Variants in EVI5 observed in about 807,000 individuals in gnomAD.
The protein encoded by EVI5 is ecotropic viral integration site 5 protein homolog.
Under a neutral mutation model 112.0 loss-of-function variants are expected in EVI5, and 73 were observed. The ratio of observed to expected loss-of-function variants is 0.65; its 90% CI spans 0.54 to 0.79. EVI5 has a LOEUF of 0.79. EVI5 is among the 30% of genes least tolerant of loss of function. The pLI is 0.00. For missense variants in EVI5, 900 were observed against 968.8 expected, an observed-to-expected ratio of 0.93 and a Z score of 0.94; for synonymous variants, 305 against 319.9, an observed-to-expected ratio of 0.95 and a Z score of 0.50.
intron 11 of EVI5, 23 bp downstream of exon 11, chr1:92,665,916 T>A (rs1371508970): frequency 1.3e-6 from 2 of 1,536,878 alleles, no homozygotes; most frequent in African/African-American, 2.8e-5. Context: ...AACAGAAGCT[T>A]GCATAAGTAG....
At chr1:92,629,148 T>C (rs1656330761) in intron 14 of EVI5, among the ~76,000 whole-genome samples, 1 of 152,250 alleles carries the variant, frequency 6.6e-6, no homozygotes, top group African/African-American at 2.4e-5. Flanking sequence ...AAATATTCTG[T>C]TAGCCATTTC....
At chr1:92,674,016 A>G (rs1230177805) in intron 10 of EVI5, among the ~76,000 whole-genome samples, 1 of 152,212 alleles carries the variant, frequency 6.6e-6, no homozygotes, top group Non-Finnish European at 1.5e-5. Context: ...ATGGGCTGTA[A>G]AAATAATGGC....
At chr1:92,669,143 C>T (rs1295368769) in intron 10 of EVI5, among the ~76,000 whole-genome samples, 1 of 152,128 alleles carries the variant, frequency 6.6e-6, no homozygotes, top group African/African-American at 2.4e-5. Context: ...AAGCACTGCC[C>T]ACAATAGTTT....
At chr1:92,701,298 G>T (rs1241907241) in intron 5 of EVI5, among the ~76,000 whole-genome samples, 1 of 152,130 alleles carries the variant, frequency 6.6e-6, no homozygotes, top group Non-Finnish European at 1.5e-5. Flanking sequence ...TATCTCCTAT[G>T]AGCCAAACAC....
chr1:92,704,664 G>C lies in EVI5; in HGVS notation c.230C>G (p.Ser77Ter). 6.2e-7 allele frequency: 1 copy of C among 1,604,212 alleles called. No homozygotes were observed. The highest frequency in any genetic ancestry group is 1.1e-5 in the South Asian group (1 of 89,930). Reference sequence around the variant, plus strand: ...GTGACTGAGGTTGCTAGAGGCTGATGAACTCGACACAAGAGAAGAGCCACT... The same window carrying C: ...GTGACTGAGGTTGCTAGAGGCTGATCAACTCGACACAAGAGAAGAGCCACT... The part of the protein sequence containing the change: ...RNSGSSLVSS[S>*]SASSNLSHLE... Residue 77 changes from serine to a stop codon, truncating the protein, a stop_gained, in exon 3 of 20, where the codon TCA becomes TGA. Transcript: ENST00000684568. LOFTEE classifies it high-confidence loss of function.
intron 18 of EVI5, among the ~76,000 whole-genome samples, chr1:92,596,287 G>A (rs1571794585): frequency 6.6e-6 from 1 of 152,158 alleles, no homozygotes; most frequent in East Asian, 1.9e-4. Flanking sequence ...TTGAGCCTGG[G>A]AGGTCGAGGT....
intron 6 of EVI5, 26 bp downstream of exon 6, chr1:92,697,834 C>T (rs528643274): frequency 3.1e-6 from 5 of 1,589,038 alleles, no homozygotes; most frequent in African/African-American, 1.4e-5. Flanking sequence ...AGGCAATATG[C>T]CTTTTTATCA....
chr1:92,641,211 T>C (rs1184038900), intron 13 of EVI5, among the ~76,000 whole-genome samples: 1 of 129,136 alleles, frequency 7.7e-6, no homozygotes, highest in African/African-American at 4.5e-5. Context: ...AAAAAAATTG[T>C]GTGATTAATT....
intron 1 of EVI5, among the ~76,000 whole-genome samples, chr1:92,743,187 T>G (rs1483005902): frequency 6.6e-6 from 1 of 152,120 alleles, no homozygotes; most frequent in East Asian, 1.9e-4. Context: ...ACCCCGTGTC[T>G]ACTAAAAATA....
upstream of EVI5, among the ~76,000 whole-genome samples, chr1:92,785,336 C>A (rs1210083883): frequency 6.6e-6 from 1 of 152,224 alleles, no homozygotes; most frequent in Non-Finnish European, 1.5e-5. Context: ...ACCGCCCCTT[C>A]CATGTTAAAA....
chr1:92,527,900 A>C (rs1244555929), intron 19 of EVI5, among the ~76,000 whole-genome samples: 2 of 152,156 alleles, frequency 1.3e-5, no homozygotes, highest in African/African-American at 4.8e-5. Context: ...GTTGTCTCCA[A>C]TCTATTATAT....
At chr1:92,754,350 C>T (rs6604015) in intron 1 of EVI5, among the ~76,000 whole-genome samples, 139,963 of 152,272 alleles carry the variant, frequency 0.92, 64,406 homozygotes, top group East Asian at 0.97. Flanking sequence ...AATTGCTCAC[C>T]AGTAATGAAG....
At chr1:92,691,691 G>C (rs1430306873) in intron 9 of EVI5, among the ~76,000 whole-genome samples, 2 of 152,092 alleles carry the variant, frequency 1.3e-5, no homozygotes, top group African/African-American at 4.8e-5. Context: ...ATAATTAATG[G>C]AGCAAAGACC....
chr1:92,578,982 G>T (rs1297115732), intron 18 of EVI5, among the ~76,000 whole-genome samples: 1 of 152,166 alleles, frequency 6.6e-6, no homozygotes, highest in East Asian at 1.9e-4. Context: ...CAAAGTGCTG[G>T]TATTACAGGT....
Position 92,733,069 on chromosome 1 carries a change from G to GA in EVI5, c.149+3328dup, listed in dbSNP as rs200621237. ...CTCCATTTTATTTAAAAAAAAAAAA[G>GA]AAAAAAAAAATTAACAGCTAAGAAA... On this transcript the variant is annotated intron_variant, in intron 2 of 19. Coordinates refer to ENST00000684568, the MANE Select transcript of EVI5 (RefSeq NM_001350197.2). 109 of 196,466 alleles carry GA rather than the reference G, an allele frequency of 5.5e-4. 1 individual carries two copies. The South Asian group carries it at 6.8e-3, about 12-fold the overall frequency. 12.2% of individuals were successfully genotyped at this position (196,466 alleles called of 1,614,324 possible). A position where few individuals can be genotyped will look rare whatever the true frequency, so the allele number is the denominator to read the frequency against.
chr1:92,691,596 G>C (rs934082113), intron 9 of EVI5, among the ~76,000 whole-genome samples: 2 of 152,066 alleles, frequency 1.3e-5, no homozygotes, highest in African/African-American at 4.8e-5. Flanking sequence ...GTTTTGTTTT[G>C]TTGCTTCTAA....
intron 18 of EVI5, among the ~76,000 whole-genome samples, chr1:92,574,680 T>C (rs981490602): frequency 2.6e-5 from 4 of 152,196 alleles, no homozygotes; most frequent in African/African-American, 9.6e-5. Flanking sequence ...TAAAGAGAAG[T>C]TGTAAAGGGT....
chr1:92,722,855 T>C (rs1353239575), intron 2 of EVI5, among the ~76,000 whole-genome samples: 1 of 152,172 alleles, frequency 6.6e-6, no homozygotes, highest in African/African-American at 2.4e-5. Context: ...AAAACACATA[T>C]ACACACACTA....
intron 2 of EVI5, 61 bp from the exon 3 acceptor site, chr1:92,704,805 G>T: frequency 4.3e-6 from 3 of 698,826 alleles, no homozygotes; most frequent in Non-Finnish European, 6.8e-6. Flanking sequence ...AAGAGGCATT[G>T]ATGATACTTA....
Sources: allele counts gnomAD v4.1 joint callset (sites outside exome capture counted in the v4.1 genomes callset), GRCh38; gene constraint gnomAD v4.1.1; transcripts MANE v1.5; gene names NCBI Gene and HGNC (gene_info 2026-07-23, HGNC 2026-07-21).